FCN1: variants seen among roughly 807,000 people sequenced by gnomAD.
FCN1 encodes ficolin-1.
Under a neutral mutation model 35.6 loss-of-function variants are expected in FCN1, and 42 were observed. The observed-to-expected ratio is 1.18, with a 90% CI of 0.92 to 1.53. The LOEUF (loss-of-function observed/expected upper bound fraction) is 1.53. Among genes scored for constraint, FCN1 ranks in the 40% most tolerant of loss-of-function variants. The pLI, the probability that FCN1 is intolerant of heterozygous loss-of-function variation, is 0.00. For synonymous variants in FCN1, 179 were observed against 169.8 expected (o/e 1.05, Z -0.42); for missense variants, 439 against 428.4 (o/e 1.02, Z -0.22).
chr9:134,916,060 G>A (rs771686855), intron 2 of FCN1, among the ~76,000 whole-genome samples: 17 of 152,224 alleles, frequency 1.1e-4, no homozygotes, highest in Admixed American at 7.8e-4. Flanking sequence ...CTTAGAAGTC[G>A]TGCCAGTAGC....
chr9:134,914,336 C>T (rs755359458), intron 4 of FCN1, 49 bp downstream of exon 4: 5 of 1,580,480 alleles, frequency 3.2e-6, no homozygotes, highest in Admixed American at 3.3e-5. Context: ...AGACCCCTCC[C>T]CTGGACAAAG....
At chr9:134,912,148 A>G (rs1278597916) in intron 7 of FCN1, among the ~76,000 whole-genome samples, 1 of 152,150 alleles carries the variant, frequency 6.6e-6, no homozygotes, top group Non-Finnish European at 1.5e-5. Flanking sequence ...CCATGGGACT[A>G]AGATGCCAGC....
At chr9:134,915,122 C>G (rs1159130164) in intron 2 of FCN1, among the ~76,000 whole-genome samples, 1 of 152,190 alleles carries the variant, frequency 6.6e-6, no homozygotes, top group African/African-American at 2.4e-5. Context: ...GTCACCCACA[C>G]AGAGCTCTAC....
intron 8 of FCN1, 58 bp from the exon 9 acceptor site, chr9:134,910,103 C>G (rs1227107666): frequency 4.8e-6 from 7 of 1,472,028 alleles, no homozygotes; most frequent in Non-Finnish European, 6.6e-6. Flanking sequence ...CACTGTGAGA[C>G]CCTCACCACA....
In FCN1 at chr9:134,907,344, A is replaced by T. The variant is rs562684472; in HGVS notation, c.*2454T>A. On this transcript the variant is annotated 3_prime_UTR_variant, in exon 9 of 9. Transcript: ENST00000371806. Reference sequence around the variant, plus strand: ...TATTGAGTCAAGAACACTGGGCATCAGTGGAGGATGTGCCTGTAGCTCATG... The same window carrying T: ...TATTGAGTCAAGAACACTGGGCATCTGTGGAGGATGTGCCTGTAGCTCATG... 1.3e-5 allele frequency: 2 copies of T among 152,346 alleles called. No homozygotes were observed. Among genetic ancestry groups the T allele is most frequent in the Admixed American group, 1.3e-4 (2 of 15,300 alleles). 9.4% of individuals were successfully genotyped at this position (152,346 alleles called of 1,614,324 possible). A position where few individuals can be genotyped will look rare whatever the true frequency, so the allele number is the denominator to read the frequency against.
chr9:134,912,447 C>T, intron 7 of FCN1, 39 bp downstream of exon 7: 1 of 1,597,558 alleles, frequency 6.3e-7, no homozygotes. Flanking sequence ...AGGAGCACCT[C>T]AGGGCCCCCC....
rs578114796 is a variant in FCN1 at position 134,910,355 on chromosome 9, C to T, written c.734-310G>A. ...GGAATGACCTCCCTCCTCCAGCCTG[C>T]GCCGCTCCTTCCGGTCTCTCCCCAC... On this transcript the variant is annotated intron_variant, in intron 8 of 8. Coordinates refer to ENST00000371806, the MANE Select transcript of FCN1 (RefSeq NM_002003.5). Among the ~76,000 whole-genome samples the T allele has an allele frequency of 8.5e-5, 13 of 152,260 alleles. No individual in the cohort carries two copies. In the East Asian group the frequency reaches 1.9e-3, roughly 23 times the overall value.
In FCN1 at chr9:134,910,195, G is replaced by A. The variant is rs1001076887; in HGVS notation, c.734-150C>T. 5 of 749,372 alleles carry A rather than the reference G, an allele frequency of 6.7e-6. No homozygotes were observed. In the South Asian group the frequency reaches 8.3e-5, roughly 12 times the overall value. 46.4% of individuals were successfully genotyped at this position (749,372 alleles called of 1,614,324 possible). ...TGCACAAATGACCCACCCAGGCCTT[G>A]GAGGAAGGGGAAGCAGGAGGCAACC... is the stretch of plus-strand genomic sequence containing the variant. On this transcript the variant is annotated intron_variant, in intron 8 of 8. Coordinates refer to ENST00000371806, the MANE Select transcript of FCN1 (RefSeq NM_002003.5).
chr9:134,905,506 CAG>C lies in FCN1; in HGVS notation c.*4290_*4291del, dbSNP rs1461245213. Among the ~76,000 whole-genome samples the C allele has an allele frequency of 6.6e-6, 1 of 152,106 alleles. No individual in the cohort carries two copies. Among genetic ancestry groups the C allele is most frequent in the Non-Finnish European group, 1.5e-5 (1 of 68,022 alleles). On this transcript the variant is annotated 3_prime_UTR_variant, in exon 9 of 9. Transcript: ENST00000371806. Reference sequence around the variant, plus strand: ...TTGCTTTGCTTCTTTTATTTTGAGACAGAGTCTCGCTCTGTCGCCCAGGCTGG... The same window carrying C: ...TTGCTTTGCTTCTTTTATTTTGAGACAGTCTCGCTCTGTCGCCCAGGCTGG...
intron 5 of FCN1, 107 bp from the exon 6 acceptor site, chr9:134,913,250 G>T: frequency 7.1e-7 from 1 of 1,412,548 alleles, no homozygotes; most frequent in Middle Eastern, 1.8e-4. Flanking sequence ...GCTTCTGTGC[G>T]GACCGAGCAG....
intron 4 of FCN1, among the ~76,000 whole-genome samples, 174 bp from the exon 5 acceptor site, chr9:134,913,787 G>A (rs1247036822): frequency 6.6e-6 from 1 of 152,222 alleles, no homozygotes; most frequent in African/African-American, 2.4e-5. Context: ...CTTCCCCAGA[G>A]GCACCAGCCA....
intron 1 of FCN1, among the ~76,000 whole-genome samples, chr9:134,917,141 G>A (rs887738966): frequency 6.6e-6 from 1 of 152,190 alleles, no homozygotes; most frequent in African/African-American, 2.4e-5. Flanking sequence ...CCATTTTTGG[G>A]GTATTTCCTT....
Position 134,904,240 on chromosome 9 carries a change from T to C in FCN1, c.*5558A>G, listed in dbSNP as rs4538965. Reference sequence around the variant, plus strand: ...AACTATCAAGGCAAAGAAAAAAAATTTTATAAATGTATTTTTTGAAAAAAG... The same window carrying C: ...AACTATCAAGGCAAAGAAAAAAAATCTTATAAATGTATTTTTTGAAAAAAG... On this transcript the variant is annotated 3_prime_UTR_variant, in exon 9 of 9. Coordinates refer to ENST00000371806, the MANE Select transcript of FCN1 (RefSeq NM_002003.5). 0.067 allele frequency among the ~76,000 whole-genome samples: 10,264 copies of C among 152,110 alleles called. 1,138 individuals carry two copies. The highest frequency in any genetic ancestry group is 0.23 in the African/African-American group (9,587 of 41,466).
In FCN1 at chr9:134,913,176, C is replaced by CGG. The variant is rs59322097; in HGVS notation, c.341-35_341-34dup. ...GGGAACCCGGGGAATGGCTGCAGGA[C>CGG]GGGGGCCCTGGGCAGGACAGGGGCA... On this transcript the variant is annotated intron_variant, in intron 5 of 8. Coordinates refer to ENST00000371806, the MANE Select transcript of FCN1 (RefSeq NM_002003.5). The CGG allele has an allele frequency of 7.5e-4, 1,203 of 1,611,154 alleles. 10 individuals carry two copies. In the African/African-American group the frequency reaches 0.014, roughly 18 times the overall value.
At position 134,914,313 on chromosome 9, in the gene FCN1, A is replaced by G. The variant is rs201752717; in HGVS notation, c.307+72T>C. The G allele has an allele frequency of 2.2e-3, 2,974 of 1,348,086 alleles. 82 individuals carry two copies. The South Asian group carries it at 0.033, about 15-fold the overall frequency. 83.5% of individuals were successfully genotyped at this position (1,348,086 alleles called of 1,614,324 possible). On this transcript the variant is annotated intron_variant, in intron 4 of 8. Coordinates refer to ENST00000371806, the MANE Select transcript of FCN1 (RefSeq NM_002003.5). ...AGGGACGTGGGCGGTGGGCAGGCGG[A>G]CTGAGGCCTCTGAGACCCCTCCCCT...
At chr9:134,917,643 TA>T in intron 1 of FCN1, 125 bp downstream of exon 1, 1 of 652,494 alleles carries the variant, frequency 1.5e-6, no homozygotes, top group Non-Finnish European at 2.8e-6. Flanking sequence ...TGCCTGAGGA[TA>T]AAACAGATCT....
At position 134,909,597 on chromosome 9, in the gene FCN1, A is replaced by G; in HGVS notation, c.*201T>C. ...GAAACTGGTAAAACTTTTCTGTCCCAAAGTAAACATATTTAGAAACATAAT... is the reference window on the plus strand; with the variant it reads ...GAAACTGGTAAAACTTTTCTGTCCCGAAGTAAACATATTTAGAAACATAAT... On this transcript the variant is annotated 3_prime_UTR_variant, in exon 9 of 9. Coordinates refer to ENST00000371806, the MANE Select transcript of FCN1 (RefSeq NM_002003.5). 1 of 1,507,668 alleles carries G rather than the reference A, an allele frequency of 6.6e-7. No individual in the cohort carries two copies. Among genetic ancestry groups the G allele is most frequent in the South Asian group, 1.2e-5 (1 of 84,188 alleles). 93.4% of individuals were successfully genotyped at this position (1,507,668 alleles called of 1,614,324 possible).
rs775021946 is a variant in FCN1, at chr9:134,909,469, A to G, written c.*329T>C. 1 of 1,308,704 alleles carries G rather than the reference A, an allele frequency of 7.6e-7. No homozygotes were observed. The highest frequency in any genetic ancestry group is 1.2e-5 in the South Asian group (1 of 81,168). The allele number at this position is 1,308,704 out of a possible 1,614,324, so 81.1% of individuals were successfully genotyped here. A position where few individuals can be genotyped will look rare whatever the true frequency, so the allele number is the denominator to read the frequency against. The stretch of plus-strand genomic sequence containing the variant: ...CATCGGTAGTGCCATCTGCTAAATA[A>G]GGGTCCTGACTCTTCCCGACTTACC... On this transcript the variant is annotated 3_prime_UTR_variant, in exon 9 of 9. Transcript: ENST00000371806.
chr9:134,914,050 G>A (rs1831060928), intron 4 of FCN1, among the ~76,000 whole-genome samples: 1 of 152,200 alleles, frequency 6.6e-6, no homozygotes, highest in Non-Finnish European at 1.5e-5. Flanking sequence ...GGTGGAGCGT[G>A]GTACAGTGTA....
Sources: gnomAD v4.1 joint callset for allele counts (sites outside exome capture counted in the v4.1 genomes callset) on GRCh38, gnomAD v4.1.1 for gene constraint, MANE v1.5 for transcripts, NCBI Gene and HGNC (gene_info 2026-07-23, HGNC 2026-07-21) for gene names.